The following THSD4 variants were observed in gnomAD, a reference collection of about 807,000 sequenced individuals.
THSD4 encodes the protein thrombospondin type-1 domain-containing protein 4.
THSD4 carries 69 observed loss-of-function variants against 119.0 expected under a neutral mutation model. The ratio of observed to expected loss-of-function variants is 0.58; its 90% CI spans 0.48 to 0.71. The LOEUF (loss-of-function observed/expected upper bound fraction) is 0.71. Among genes scored for constraint, THSD4 ranks in the 30% least tolerant of loss-of-function variants. The probability of loss-of-function intolerance (pLI) is 0.00; values close to 1 mark genes in which losing one functional copy is unlikely to be tolerated. For missense variants in THSD4, 1,393 were observed against 1,391.1 expected (o/e 1.00, Z -0.02); for synonymous variants, 524 against 540.4 (o/e 0.97, Z 0.42).
At chr15:71,473,372 A>G (rs2047611251) in intron 7 of THSD4, among the ~76,000 whole-genome samples, 2 of 152,124 alleles carry the variant, frequency 1.3e-5, no homozygotes, top group Admixed American at 6.5e-5. Context: ...TTTGAGAATC[A>G]TAAACTGTTT....
At position 71,782,692 on chromosome 15, in the gene THSD4, A is replaced by G. The variant is rs2054016422; in HGVS notation, c.*5318A>G. 1 of 152,248 alleles carries G rather than the reference A, an allele frequency of 6.6e-6. No individual in the cohort carries two copies. The highest frequency in any genetic ancestry group is 2.1e-4 in the South Asian group (1 of 4,832). The allele number at this position is 152,248 out of a possible 1,614,324, so 9.4% of individuals were successfully genotyped here. On this transcript the variant is annotated 3_prime_UTR_variant, in exon 18 of 18. Coordinates refer to ENST00000261862, the MANE Select transcript of THSD4 (RefSeq NM_024817.3). ...GTTACAATTGTTTAGTATGCTAATC[A>G]GTCCAGTTCCCTGAGGTTTAAGATC... is the stretch of plus-strand genomic sequence containing the variant.
At chr15:71,524,495 G>A (rs554337193) in intron 7 of THSD4, among the ~76,000 whole-genome samples, 3 of 152,044 alleles carry the variant, frequency 2.0e-5, no homozygotes, top group Admixed American at 1.3e-4. Context: ...AGGAGGCTGC[G>A]CAGGAAAGAG....
chr15:71,172,313 A>T (rs1302216288), intron 3 of THSD4, among the ~76,000 whole-genome samples: 1 of 152,040 alleles, frequency 6.6e-6, no homozygotes, highest in African/African-American at 2.4e-5. Flanking sequence ...TGACAGAGTG[A>T]AACTCTGTCT....
intron 2 of THSD4, among the ~76,000 whole-genome samples, chr15:71,151,921 C>G (rs1467323420): frequency 2.0e-5 from 3 of 152,118 alleles, no homozygotes; most frequent in African/African-American, 7.2e-5. Flanking sequence ...CTTCCTGTGT[C>G]TTGAATAGCA....
At chr15:71,531,512 T>C (rs2048609506) in intron 7 of THSD4, among the ~76,000 whole-genome samples, 1 of 152,218 alleles carries the variant, frequency 6.6e-6, no homozygotes, top group African/African-American at 2.4e-5. Flanking sequence ...TACTGCATTG[T>C]GGTTAAGCAC....
At chr15:71,690,226 A>AT (rs1213274685) in intron 8 of THSD4, among the ~76,000 whole-genome samples, 1 of 152,180 alleles carries the variant, frequency 6.6e-6, no homozygotes, top group African/African-American at 2.4e-5. Flanking sequence ...TGAGCCTTAC[A>AT]TTTTTTAAGA....
intron 17 of THSD4, among the ~76,000 whole-genome samples, chr15:71,776,857 ATG>A (rs1334166121): frequency 1.3e-5 from 2 of 152,226 alleles, no homozygotes; most frequent in African/African-American, 4.8e-5. Context: ...CTTATACAGT[ATG>A]TATCTTTTAT....
chr15:71,424,849 C>T (rs2046849265), intron 7 of THSD4, among the ~76,000 whole-genome samples: 1 of 152,074 alleles, frequency 6.6e-6, no homozygotes, highest in Non-Finnish European at 1.5e-5. Context: ...ATAGATGAAA[C>T]TTTGCCTTGA....
At chr15:71,383,906 T>G (rs2046260030) in intron 6 of THSD4, among the ~76,000 whole-genome samples, 1 of 152,224 alleles carries the variant, frequency 6.6e-6, no homozygotes, top group Admixed American at 6.5e-5. Flanking sequence ...CATAGGAGAC[T>G]TGATCATCTG....
At chr15:71,300,611 A>G (rs984368151) in intron 6 of THSD4, among the ~76,000 whole-genome samples, 3 of 152,208 alleles carry the variant, frequency 2.0e-5, no homozygotes, top group African/African-American at 7.2e-5. Flanking sequence ...ACTCTTATCA[A>G]TCCCCCTCAA....
chr15:71,447,116 TTG>T (rs546680922), intron 7 of THSD4, among the ~76,000 whole-genome samples: 20,602 of 76,262 alleles, frequency 0.27, 2,868 homozygotes, highest in Non-Finnish European at 0.33. Context: ...TCCATTTTTT[TTG>T]TTTTTTTTTT....
chr15:71,266,386 A>G (rs2044465799), intron 6 of THSD4, among the ~76,000 whole-genome samples: 1 of 152,188 alleles, frequency 6.6e-6, no homozygotes, highest in Non-Finnish European at 1.5e-5. Flanking sequence ...TTAGAAGGAA[A>G]ACCAACAAAC....
chr15:71,437,687 A>G (rs1453268134), intron 7 of THSD4, among the ~76,000 whole-genome samples: 2 of 152,232 alleles, frequency 1.3e-5, no homozygotes, highest in Non-Finnish European at 2.9e-5. Flanking sequence ...ATACTGGTAC[A>G]TGGGTCCCTT....
chr15:71,339,519 C>T (rs1470150178), intron 6 of THSD4, among the ~76,000 whole-genome samples: 1 of 152,086 alleles, frequency 6.6e-6, no homozygotes, highest in African/African-American at 2.4e-5. Flanking sequence ...AAAATGAGAG[C>T]CGTACATTAT....
intron 7 of THSD4, among the ~76,000 whole-genome samples, chr15:71,600,846 A>G (rs549638312): frequency 1.6e-4 from 25 of 151,774 alleles, no homozygotes; most frequent in African/African-American, 6.1e-4. Context: ...TCCCGGGTTC[A>G]AACGATTCAC....
intron 15 of THSD4, among the ~76,000 whole-genome samples, chr15:71,760,952 C>T (rs995259643): frequency 7.2e-5 from 11 of 152,136 alleles, no homozygotes; most frequent in African/African-American, 2.7e-4. Context: ...TCTTAATTTT[C>T]AAACGTTCTA....
At chr15:71,505,937 A>G (rs1030363857) in intron 7 of THSD4, among the ~76,000 whole-genome samples, 1 of 152,240 alleles carries the variant, frequency 6.6e-6, no homozygotes, top group African/African-American at 2.4e-5. Flanking sequence ...AAAAACTACA[A>G]GAAAACCTTT....
rs201370287 is a variant in THSD4, at chr15:71,262,984, G to A, written c.1015+6269G>A. Among the ~76,000 whole-genome samples, 34 of 151,628 alleles carry A rather than the reference G, an allele frequency of 2.2e-4. 1 individual carries two copies. In the East Asian group the frequency reaches 4.8e-3, roughly 22 times the overall value. ...TTCTAACTTTTATTTTAAGTTCAGC[G>A]GTACATGTGCAGGATGTACAGGTTT... On this transcript the variant is annotated intron_variant, in intron 6 of 17. Transcript: ENST00000261862.
chr15:71,132,394 T>C (rs780985815), intron 1 of THSD4, among the ~76,000 whole-genome samples: 1 of 152,214 alleles, frequency 6.6e-6, no homozygotes, highest in Non-Finnish European at 1.5e-5. Context: ...ATGAGATGCT[T>C]ATGAGGTAAG....
Sources: allele counts gnomAD v4.1 joint callset (sites outside exome capture counted in the v4.1 genomes callset), GRCh38; gene constraint gnomAD v4.1.1; transcripts MANE v1.5; gene names NCBI Gene and HGNC (gene_info 2026-07-23, HGNC 2026-07-21).